DPYSL3: variants seen among roughly 807,000 people sequenced by gnomAD.
The protein encoded by DPYSL3 is dihydropyrimidinase like 3.
Under a neutral mutation model 66.1 loss-of-function variants are expected in DPYSL3, and 16 were observed. The observed-to-expected ratio is 0.24, with a 90% CI of 0.16 to 0.37. DPYSL3 has a LOEUF of 0.37. Ranked by LOEUF, DPYSL3 falls within the 10% of genes least tolerant of loss-of-function variation. DPYSL3 has a pLI of 1.00. For synonymous variants in DPYSL3, 338 were observed against 345.1 expected (o/e 0.98, Z 0.23); for missense variants, 738 against 916.2 (o/e 0.81, Z 2.51).
intron 4 of DPYSL3, among the ~76,000 whole-genome samples, chr5:147,414,426 C>A (rs1269089735): frequency 6.6e-6 from 1 of 152,134 alleles, no homozygotes; most frequent in Non-Finnish European, 1.5e-5. Flanking sequence ...GACTGGGGAA[C>A]TGAGAATCAT....
At chr5:147,491,761 A>G (rs1360443050) in intron 1 of DPYSL3, among the ~76,000 whole-genome samples, 1 of 152,004 alleles carries the variant, frequency 6.6e-6, no homozygotes, top group Non-Finnish European at 1.5e-5. Flanking sequence ...GAAAAAAAAA[A>G]GACCAAAAAA....
In DPYSL3 at chr5:147,474,279, T is replaced by C. The variant is rs1324592107; in HGVS notation, c.381+35199A>G. 2.6e-5 allele frequency among the ~76,000 whole-genome samples: 4 copies of C among 152,236 alleles called. No individual in the cohort carries two copies. The East Asian group carries it at 5.8e-4, about 22-fold the overall frequency. ...GACAAAATCTGTCATCTTTTATTAA[T>C]ACACATAGTTCACTTTCTCATAACA... On this transcript the variant is annotated intron_variant, in intron 1 of 13. Transcript: ENST00000343218.
intron 1 of DPYSL3, among the ~76,000 whole-genome samples, chr5:147,459,779 G>A (rs1382518017): frequency 6.6e-6 from 1 of 152,160 alleles, no homozygotes; most frequent in African/African-American, 2.4e-5. Context: ...AGCTCTGATG[G>A]CAACTCATAT....
At chr5:147,398,023 C>T (rs968750455) in intron 11 of DPYSL3, among the ~76,000 whole-genome samples, 178 bp from the exon 12 acceptor site, 2 of 152,184 alleles carry the variant, frequency 1.3e-5, no homozygotes, top group Non-Finnish European at 1.5e-5. Flanking sequence ...TTTACTAAGA[C>T]AAGACTAAAC....
intron 1 of DPYSL3, among the ~76,000 whole-genome samples, chr5:147,500,667 G>A (rs183904049): frequency 8.7e-4 from 130 of 149,392 alleles, no homozygotes; most frequent in Non-Finnish European, 1.7e-3. Context: ...ATTAAAAAAT[G>A]AGCCAAAGAG....
chr5:147,451,439 A>G (rs1581201521), intron 1 of DPYSL3, among the ~76,000 whole-genome samples: 1 of 152,346 alleles, frequency 6.6e-6, no homozygotes, highest in East Asian at 1.9e-4. Flanking sequence ...CAGAGACAAA[A>G]GGGAATCCAC....
At chr5:147,491,865 T>C (rs529457884) in intron 1 of DPYSL3, among the ~76,000 whole-genome samples, 2 of 151,656 alleles carry the variant, frequency 1.3e-5, no homozygotes, top group South Asian at 4.2e-4. Flanking sequence ...GAGAAAGGAA[T>C]AAAAGCAATA....
At chr5:147,418,909 A>T (rs1186115184) in intron 2 of DPYSL3, among the ~76,000 whole-genome samples, 1 of 152,206 alleles carries the variant, frequency 6.6e-6, no homozygotes, top group South Asian at 2.1e-4. Flanking sequence ...TGTCTAGAAT[A>T]TAGTGTGTGT....
intron 6 of DPYSL3, among the ~76,000 whole-genome samples, chr5:147,409,096 G>A (rs1751789195): frequency 6.6e-6 from 1 of 152,178 alleles, no homozygotes; most frequent in African/African-American, 2.4e-5. Context: ...CTCAGTCTCA[G>A]CTGCCTCTGA....
At chr5:147,443,057 G>A (rs1752563552) in intron 1 of DPYSL3, among the ~76,000 whole-genome samples, 1 of 152,156 alleles carries the variant, frequency 6.6e-6, no homozygotes, top group Admixed American at 6.5e-5. Context: ...ACACTAATTA[G>A]GTGGGTACCA....
At chr5:147,501,382 A>G (rs1753610234) in intron 1 of DPYSL3, among the ~76,000 whole-genome samples, 1 of 152,060 alleles carries the variant, frequency 6.6e-6, no homozygotes, top group African/African-American at 2.4e-5. Context: ...AGATATTACA[A>G]TGGTAGATAC....
intron 1 of DPYSL3, among the ~76,000 whole-genome samples, chr5:147,461,073 T>A (rs1169819646): frequency 6.6e-6 from 1 of 152,062 alleles, no homozygotes; most frequent in Non-Finnish European, 1.5e-5. Context: ...CAAACATAGA[T>A]AAGCAGCCTG....
chr5:147,491,839 T>C (rs773154521), intron 1 of DPYSL3, among the ~76,000 whole-genome samples: 42 of 150,334 alleles, frequency 2.8e-4, no homozygotes, highest in Non-Finnish European at 5.3e-4. Context: ...AATGAAAATA[T>C]CAAAAGGAAA....
intron 1 of DPYSL3, among the ~76,000 whole-genome samples, chr5:147,493,064 A>G (rs1378815413): frequency 6.6e-6 from 1 of 152,232 alleles, no homozygotes; most frequent in African/African-American, 2.4e-5. Flanking sequence ...TCCAGAATAG[A>G]CCTCGGAGCA....
At chr5:147,400,929 G>A in intron 9 of DPYSL3, 96 bp from the exon 10 acceptor site, 1 of 1,462,970 alleles carries the variant, frequency 6.8e-7, no homozygotes, top group Non-Finnish European at 9.1e-7. Flanking sequence ...TTTGCACTCT[G>A]ACTATTTGGG....
chr5:147,459,223 C>T (rs1210576456), intron 1 of DPYSL3, among the ~76,000 whole-genome samples: 1 of 151,940 alleles, frequency 6.6e-6, no homozygotes, highest in East Asian at 1.9e-4. Context: ...TTTTTACTTT[C>T]TAAAAATACA....
At chr5:147,402,341 C>CTTTTTTTTTTTTTCT (rs11438535) in intron 8 of DPYSL3, among the ~76,000 whole-genome samples, 6 of 135,034 alleles carry the variant, frequency 4.4e-5, no homozygotes, top group Non-Finnish European at 7.6e-5. Context: ...ACTCTCATGA[C>CTTTTTTTTTTTTTCT]TTTTTTTTTT....
chr5:147,469,444 T>C (rs1255488035), intron 1 of DPYSL3, among the ~76,000 whole-genome samples: 1 of 152,224 alleles, frequency 6.6e-6, no homozygotes, highest in Non-Finnish European at 1.5e-5. Context: ...TTTTCTCCTC[T>C]ATAAAATAGG....
intron 1 of DPYSL3, among the ~76,000 whole-genome samples, chr5:147,503,202 G>A (rs1753640127): frequency 6.6e-6 from 1 of 152,062 alleles, no homozygotes; most frequent in South Asian, 2.1e-4. Flanking sequence ...CCAATTTGTT[G>A]GACAAGACAA....
Sources: gnomAD v4.1 joint callset for allele counts (sites outside exome capture counted in the v4.1 genomes callset) on GRCh38, gnomAD v4.1.1 for gene constraint, MANE v1.5 for transcripts, NCBI Gene and HGNC (gene_info 2026-07-23, HGNC 2026-07-21) for gene names.